The following DMD variants were observed in gnomAD, a reference collection of about 807,000 sequenced individuals.
The protein encoded by DMD is dystrophin, also known as mutant dystrophin.
In DMD, 63 loss-of-function variants were observed where a neutral mutation model predicts 330.1. The ratio of observed to expected loss-of-function variants is 0.19; its 90% CI spans 0.16 to 0.24. The LOEUF (loss-of-function observed/expected upper bound fraction) is 0.24. Among genes scored for constraint, DMD ranks in the 10% least tolerant of loss-of-function variants. The pLI is 1.00. For synonymous variants in DMD, 1,223 were observed against 959.8 expected, an observed-to-expected ratio of 1.27 and a Z score of -5.07; for missense variants, 3,344 against 2,684.1, an observed-to-expected ratio of 1.25 and a Z score of -5.43.
intron 16 of DMD, among the ~76,000 whole-genome samples, chrX:32,554,694 G>T (rs1046707998): frequency 1.9e-5 from 2 of 105,785 alleles, no homozygotes; most frequent in Admixed American, 1.0e-4. Context: ...GCGGTACAAA[G>T]AAGAGCTGGT....
chrX:33,087,919 T>C (rs1488405151), intron 1 of DMD, among the ~76,000 whole-genome samples: 4 of 111,518 alleles, frequency 3.6e-5, no homozygotes, highest in Non-Finnish European at 5.6e-5. Flanking sequence ...CTATTGAAAT[T>C]CTAGATGTCT....
At chrX:31,546,833 T>C (rs1040994050) in intron 55 of DMD, among the ~76,000 whole-genome samples, 2 of 112,216 alleles carry the variant, frequency 1.8e-5, no homozygotes, top group Non-Finnish European at 3.8e-5. Flanking sequence ...GTCTTATTAA[T>C]CTTCATATCT....
intron 64 of DMD, among the ~76,000 whole-genome samples, chrX:31,210,768 T>C (rs775585088): frequency 8.9e-6 from 1 of 112,289 alleles, no homozygotes; most frequent in Non-Finnish European, 1.9e-5. Flanking sequence ...AATAAAGAAA[T>C]GCAAACTTAA....
In DMD at chrX:32,803,139, T is replaced by G. The variant is rs185833047; in HGVS notation, c.649+6354A>C. The stretch of plus-strand genomic sequence containing the variant: ...GTAGGCTATTAATTACTGCCTCAAT[T>G]TCAGAACTTGTTATTGTTCTATTCA... On this transcript the variant is annotated intron_variant, in intron 7 of 78. Transcript: ENST00000357033. Among the ~76,000 whole-genome samples the G allele has an allele frequency of 9.5e-4, 106 of 111,982 alleles. No individual in the cohort carries two copies. The East Asian group carries it at 0.026, about 27-fold the overall frequency.
chrX:31,435,785 T>C (rs948484121), intron 60 of DMD: 1 of 111,572 alleles, frequency 9.0e-6, no homozygotes, highest in Non-Finnish European at 1.9e-5. Context: ...GCGGAGTGTT[T>C]CACATGCAGC....
chrX:32,732,556 C>T (rs1426109065), intron 7 of DMD, among the ~76,000 whole-genome samples: 5 of 111,394 alleles, frequency 4.5e-5, no homozygotes, highest in Non-Finnish European at 9.4e-5. Context: ...ACACTAACAG[C>T]GGATCTCTCG....
At chrX:31,307,801 C>G (rs1334299866) in intron 62 of DMD, among the ~76,000 whole-genome samples, 1 of 111,603 alleles carries the variant, frequency 9.0e-6, no homozygotes, top group Non-Finnish European at 1.9e-5. Flanking sequence ...AGCTCTGCCT[C>G]AATGTATGTC....
At chrX:32,714,895 C>A (rs184126429) in intron 7 of DMD, among the ~76,000 whole-genome samples, 1 of 111,356 alleles carries the variant, frequency 9.0e-6, no homozygotes, top group East Asian at 2.8e-4. Flanking sequence ...CATAATGAAA[C>A]CATAATGAAA....
intron 44 of DMD, among the ~76,000 whole-genome samples, chrX:32,138,598 T>C (rs2096738677): frequency 8.9e-6 from 1 of 112,114 alleles, no homozygotes; most frequent in Non-Finnish European, 1.9e-5. Context: ...ATTTGTCTCA[T>C]CAACTAGCTT....
intron 44 of DMD, among the ~76,000 whole-genome samples, chrX:31,988,013 A>T (rs1390802317): frequency 2.7e-5 from 3 of 112,184 alleles, no homozygotes; most frequent in Non-Finnish European, 5.6e-5. Context: ...CATATAAAAG[A>T]ATAAAATCCT....
At chrX:33,063,914 A>G (rs2094611683) in intron 1 of DMD, among the ~76,000 whole-genome samples, 1 of 111,880 alleles carries the variant, frequency 8.9e-6, no homozygotes, top group Admixed American at 9.6e-5. Context: ...TGTTCCCTGT[A>G]CCTTCCTAAG....
intron 44 of DMD, among the ~76,000 whole-genome samples, chrX:32,108,835 A>C (rs1478757525): frequency 8.9e-6 from 1 of 111,782 alleles, no homozygotes; most frequent in East Asian, 2.8e-4. Context: ...CACAAGGAGC[A>C]TGTTAGAATA....
At chrX:32,704,848 C>A (rs772907911) in intron 7 of DMD, among the ~76,000 whole-genome samples, 2 of 112,179 alleles carry the variant, frequency 1.8e-5, no homozygotes, top group African/African-American at 6.5e-5. Context: ...CAACCAAAAC[C>A]TATGGTTGTA....
intron 55 of DMD, among the ~76,000 whole-genome samples, chrX:31,597,274 G>A (rs955074657): frequency 8.9e-6 from 1 of 111,870 alleles, no homozygotes; most frequent in Non-Finnish European, 1.9e-5. Flanking sequence ...ATGGTGCTAT[G>A]AAAACAAAGA....
At chrX:33,065,898 C>T (rs776095788) in intron 1 of DMD, among the ~76,000 whole-genome samples, 3 of 111,043 alleles carry the variant, frequency 2.7e-5, no homozygotes, top group East Asian at 5.7e-4. Context: ...ACAATAAAAC[C>T]GAAGGATTTG....
intron 59 of DMD, among the ~76,000 whole-genome samples, chrX:31,476,706 A>G (rs1479830888): frequency 9.0e-6 from 1 of 111,061 alleles, no homozygotes; most frequent in East Asian, 2.8e-4. Context: ...AACATCAGCA[A>G]AGAAACCATT....
chrX:31,786,064 C>G (rs1405555178), intron 50 of DMD, among the ~76,000 whole-genome samples: 1 of 112,202 alleles, frequency 8.9e-6, no homozygotes, highest in African/African-American at 3.2e-5. Flanking sequence ...CACACTCCCA[C>G]CAACAGTGTA....
chrX:31,885,387 G>T (rs761381628), intron 47 of DMD, among the ~76,000 whole-genome samples: 1 of 110,297 alleles, frequency 9.1e-6, no homozygotes, highest in South Asian at 3.8e-4. Flanking sequence ...GAGGCGGGCG[G>T]ATCATAAGGT....
At chrX:31,758,688 T>C (rs2089330089) in intron 51 of DMD, among the ~76,000 whole-genome samples, 1 of 111,741 alleles carries the variant, frequency 8.9e-6, no homozygotes, top group Admixed American at 9.6e-5. Flanking sequence ...TTCAAGTGTC[T>C]ATCATTTTTC....
Sources: gnomAD v4.1 joint callset for allele counts (sites outside exome capture counted in the v4.1 genomes callset) on GRCh38, gnomAD v4.1.1 for gene constraint, MANE v1.5 for transcripts, NCBI Gene and HGNC (gene_info 2026-07-23, HGNC 2026-07-21) for gene names.